The following MCHR2 variants were observed in gnomAD, a reference collection of about 807,000 sequenced individuals.
MCHR2 encodes the protein melanin concentrating hormone receptor 2, also known as melanin-concentrating hormone receptor 2.
MCHR2 carries 15 observed loss-of-function variants against 24.8 expected under a neutral mutation model. That is an observed-to-expected ratio of 0.60 (90% CI 0.40 to 0.93). The LOEUF (loss-of-function observed/expected upper bound fraction) is 0.93. Ranked by LOEUF, MCHR2 falls within the 40% of genes least tolerant of loss-of-function variation. The probability of loss-of-function intolerance (pLI) is 0.00; values close to 1 mark genes in which losing one functional copy is unlikely to be tolerated. For synonymous variants in MCHR2, 151 were observed against 147.6 expected, an observed-to-expected ratio of 1.02 and a Z score of -0.17; for missense variants, 386 against 408.7, an observed-to-expected ratio of 0.94 and a Z score of 0.48.
At chr6:99,986,650 T>C (rs1012344717) in intron 1 of MCHR2, among the ~76,000 whole-genome samples, 2 of 151,994 alleles carry the variant, frequency 1.3e-5, no homozygotes, top group African/African-American at 4.8e-5. Flanking sequence ...AGAGGAATAA[T>C]AGACACGGAG....
In MCHR2 at chr6:99,975,660, G is replaced by T. The variant is rs182980592; in HGVS notation, c.-28+18276C>A. 2.7e-3 allele frequency among the ~76,000 whole-genome samples: 417 copies of T among 152,308 alleles called. 2 individuals carry two copies. Among genetic ancestry groups the T allele is most frequent in the African/African-American group, 9.6e-3 (400 of 41,566 alleles). ...AATGCAGAAATCACCCATCTTCTGCGTCGCTCACGCTGGGAGCTGTAGACC... is the reference window on the plus strand; with the variant it reads ...AATGCAGAAATCACCCATCTTCTGCTTCGCTCACGCTGGGAGCTGTAGACC... On this transcript the variant is annotated intron_variant, in intron 1 of 5. Transcript: ENST00000281806.
intron 4 of MCHR2, among the ~76,000 whole-genome samples, chr6:99,938,321 A>G (rs1774706269): frequency 6.6e-6 from 1 of 151,884 alleles, no homozygotes; most frequent in Admixed American, 6.6e-5. Context: ...CTTTTTTGAT[A>G]TAGGCATTTA....
chr6:99,931,611 G>A (rs118177624), intron 5 of MCHR2, among the ~76,000 whole-genome samples: 4,664 of 152,186 alleles, frequency 0.031, 202 homozygotes, highest in East Asian at 0.12. Flanking sequence ...AGCAATTAGC[G>A]AGACTCTGTG....
chr6:99,946,349 A>G (rs1252019919), intron 3 of MCHR2, among the ~76,000 whole-genome samples: 1 of 152,308 alleles, frequency 6.6e-6, no homozygotes, highest in East Asian at 1.9e-4. Flanking sequence ...AAACAAAAGG[A>G]TATTTAAAAA....
chr6:99,934,970 A>G (rs1331274909), intron 4 of MCHR2, among the ~76,000 whole-genome samples: 1 of 152,058 alleles, frequency 6.6e-6, no homozygotes, highest in East Asian at 1.9e-4. Context: ...CTTGCCCAAG[A>G]TTACCCAAAC....
At chr6:99,951,064 C>G (rs551433226) in intron 2 of MCHR2, among the ~76,000 whole-genome samples, 1 of 152,086 alleles carries the variant, frequency 6.6e-6, no homozygotes, top group Non-Finnish European at 1.5e-5. Context: ...CAGCTCCCAC[C>G]AGGCAGCCCA....
chr6:99,933,312 A>G (rs955681113), intron 5 of MCHR2, among the ~76,000 whole-genome samples: 6 of 152,162 alleles, frequency 3.9e-5, no homozygotes, highest in African/African-American at 1.4e-4. Context: ...AGTCAGGAGC[A>G]AAATGATCTG....
intron 5 of MCHR2, among the ~76,000 whole-genome samples, chr6:99,922,596 C>T (rs1447616505): frequency 6.6e-6 from 1 of 152,182 alleles, no homozygotes; most frequent in Non-Finnish European, 1.5e-5. Flanking sequence ...TAGTTTCATT[C>T]TTCTGCATAT....
intron 5 of MCHR2, among the ~76,000 whole-genome samples, chr6:99,925,729 G>A (rs1014496893): frequency 6.6e-6 from 1 of 151,484 alleles, no homozygotes; most frequent in African/African-American, 2.4e-5. Flanking sequence ...TTAACTTTTT[G>A]TTGTTTCAGT....
At chr6:99,961,018 G>T (rs1775172675) in intron 1 of MCHR2, among the ~76,000 whole-genome samples, 2 of 152,030 alleles carry the variant, frequency 1.3e-5, no homozygotes, top group Non-Finnish European at 2.9e-5. Flanking sequence ...CACAGCAAAA[G>T]AAACTGTCAT....
chr6:99,951,430 A>G (rs1309440660), intron 2 of MCHR2, among the ~76,000 whole-genome samples: 1 of 152,036 alleles, frequency 6.6e-6, no homozygotes, highest in Non-Finnish European at 1.5e-5. Context: ...ATATTTGCCA[A>G]CCCTTCCCTA....
intron 1 of MCHR2, among the ~76,000 whole-genome samples, chr6:99,962,894 T>G (rs1272802098): frequency 6.6e-6 from 1 of 152,120 alleles, no homozygotes; most frequent in East Asian, 1.9e-4. Context: ...AACTTAATAT[T>G]GATAGCAAAT....
intron 2 of MCHR2, among the ~76,000 whole-genome samples, chr6:99,954,203 G>A (rs976654598): frequency 3.9e-5 from 6 of 152,052 alleles, no homozygotes; most frequent in Non-Finnish European, 7.4e-5. Context: ...TGCCAGGATC[G>A]CTACTTACTA....
At chr6:99,984,375 G>A (rs1053525887) in intron 1 of MCHR2, among the ~76,000 whole-genome samples, 2 of 151,654 alleles carry the variant, frequency 1.3e-5, no homozygotes, top group Non-Finnish European at 2.9e-5. Context: ...TAGTCATTTA[G>A]CATTAGGTAT....
At chr6:99,935,855 A>C (rs1379311496) in intron 4 of MCHR2, among the ~76,000 whole-genome samples, 2 of 151,926 alleles carry the variant, frequency 1.3e-5, no homozygotes, top group Non-Finnish European at 2.9e-5. Flanking sequence ...CCTTGTCAGC[A>C]TCCATTATTG....
intron 5 of MCHR2, among the ~76,000 whole-genome samples, chr6:99,931,636 T>C (rs1245241105): frequency 6.6e-6 from 1 of 152,148 alleles, no homozygotes; most frequent in African/African-American, 2.4e-5. Context: ...TAGGACCCCC[T>C]GAGCCATGTG....
At chr6:99,942,916 T>C in intron 4 of MCHR2, 33 bp downstream of exon 4, 1 of 1,555,936 alleles carries the variant, frequency 6.4e-7, no homozygotes. Flanking sequence ...ACAACTTAAT[T>C]CAACTCGTTT....
At chr6:99,926,913 T>C (rs1002928442) in intron 5 of MCHR2, among the ~76,000 whole-genome samples, 27 of 152,370 alleles carry the variant, frequency 1.8e-4, no homozygotes, top group African/African-American at 6.0e-4. Context: ...TCCTTGCCTA[T>C]GCCTATGTCC....
chr6:99,934,219 T>C (rs796413075), intron 5 of MCHR2, among the ~76,000 whole-genome samples, 179 bp downstream of exon 5: 3 of 152,224 alleles, frequency 2.0e-5, no homozygotes, highest in African/African-American at 7.2e-5. Flanking sequence ...ACTGAGAGAT[T>C]CTTAAGCAGT....
Sources: allele counts gnomAD v4.1 joint callset (sites outside exome capture counted in the v4.1 genomes callset), GRCh38; gene constraint gnomAD v4.1.1; transcripts MANE v1.5; gene names NCBI Gene and HGNC (gene_info 2026-07-23, HGNC 2026-07-21).